NRXN3: variants seen among roughly 807,000 people sequenced by gnomAD.
The protein encoded by NRXN3 is neurexin 3.
NRXN3 carries 32 observed loss-of-function variants against 137.6 expected under a neutral mutation model. The ratio of observed to expected loss-of-function variants is 0.23; its 90% CI spans 0.18 to 0.31. The LOEUF (loss-of-function observed/expected upper bound fraction) is 0.31, where lower values mean the gene tolerates loss of function less well. Ranked by LOEUF, NRXN3 falls within the 10% of genes least tolerant of loss-of-function variation. The pLI is 1.00. For synonymous variants in NRXN3, 798 were observed against 784.5 expected (o/e 1.02, Z -0.29); for missense variants, 1,574 against 2,062.5 (o/e 0.76, Z 4.59).
chr14:79,197,296 AC>A (rs2065263420), intron 15 of NRXN3, among the ~76,000 whole-genome samples: 1 of 152,168 alleles, frequency 6.6e-6, no homozygotes, highest in South Asian at 2.1e-4. Flanking sequence ...CCCTGCTGTA[AC>A]CAGCTGGAAA....
intron 10 of NRXN3, among the ~76,000 whole-genome samples, chr14:78,811,753 G>A (rs1376573679): frequency 2.0e-5 from 3 of 152,080 alleles, no homozygotes; most frequent in Non-Finnish European, 4.4e-5. Context: ...TTTTTGGGGG[G>A]CAAATGTTCC....
chr14:78,942,753 A>T (rs1284240634), intron 10 of NRXN3, among the ~76,000 whole-genome samples: 1 of 152,204 alleles, frequency 6.6e-6, no homozygotes, highest in Non-Finnish European at 1.5e-5. Flanking sequence ...AGCTAGAAGG[A>T]GCATACTACA....
intron 16 of NRXN3, among the ~76,000 whole-genome samples, chr14:79,591,855 C>G (rs1016439998): frequency 2.6e-5 from 4 of 152,162 alleles, no homozygotes; most frequent in Non-Finnish European, 4.4e-5. Context: ...GACCCGATTT[C>G]TTACACTGAA....
At chr14:79,064,198 G>A (rs762505625) in intron 15 of NRXN3, among the ~76,000 whole-genome samples, 21 of 152,160 alleles carry the variant, frequency 1.4e-4, no homozygotes, top group Non-Finnish European at 2.5e-4. Context: ...TGGCACAGCC[G>A]TGAGTAGAGC....
intron 15 of NRXN3, among the ~76,000 whole-genome samples, chr14:79,445,066 C>A (rs543414677): frequency 6.6e-6 from 1 of 152,084 alleles, no homozygotes; most frequent in Non-Finnish European, 1.5e-5. Flanking sequence ...ACTCAGCTGG[C>A]AGTGGTGGCT....
intron 4 of NRXN3, among the ~76,000 whole-genome samples, chr14:78,412,526 T>C (rs1333100143): frequency 1.3e-5 from 2 of 152,184 alleles, no homozygotes. Flanking sequence ...CAGGTGAGTA[T>C]TGGTTCACAT....
intron 4 of NRXN3, among the ~76,000 whole-genome samples, chr14:78,346,470 C>A (rs952941172): frequency 3.3e-5 from 5 of 152,174 alleles, no homozygotes; most frequent in Non-Finnish European, 7.4e-5. Context: ...TCATTGACTC[C>A]TTGAAACAGT....
intron 15 of NRXN3, among the ~76,000 whole-genome samples, chr14:79,349,216 C>T (rs2093065597): frequency 6.6e-6 from 1 of 151,924 alleles, no homozygotes; most frequent in Admixed American, 6.6e-5. Flanking sequence ...TAGAGGTGTC[C>T]ATGTCCAAGT....
chr14:78,249,447 C>T lies in NRXN3; in HGVS notation c.709+5645C>T, dbSNP rs535555491. On this transcript the variant is annotated intron_variant, in intron 2 of 20. Transcript: ENST00000335750. ...GGTTTCCAGTTTCTGGGGCAGCTGTCCTTCAGCTGGGTCCTCTTTCTCCTT... is the reference window on the plus strand; with the variant it reads ...GGTTTCCAGTTTCTGGGGCAGCTGTTCTTCAGCTGGGTCCTCTTTCTCCTT... 6.6e-5 allele frequency among the ~76,000 whole-genome samples: 10 copies of T among 152,318 alleles called. No homozygotes were observed. In the East Asian group the frequency reaches 1.7e-3, roughly 26 times the overall value.
At chr14:78,493,897 T>C (rs2095715813) in intron 4 of NRXN3, among the ~76,000 whole-genome samples, 1 of 152,178 alleles carries the variant, frequency 6.6e-6, no homozygotes, top group African/African-American at 2.4e-5. Context: ...TTAAAAACAG[T>C]GCCAGCATGG....
At chr14:78,533,066 C>A (rs1164039915) in intron 4 of NRXN3, among the ~76,000 whole-genome samples, 1 of 151,018 alleles carries the variant, frequency 6.6e-6, no homozygotes, top group African/African-American at 2.4e-5. Flanking sequence ...ACATCAGTCT[C>A]CCAACTGATA....
At chr14:78,267,680 T>C (rs1247170163) in intron 2 of NRXN3, among the ~76,000 whole-genome samples, 1 of 152,154 alleles carries the variant, frequency 6.6e-6, no homozygotes, top group Non-Finnish European at 1.5e-5. Flanking sequence ...AATAAAAGAT[T>C]TCTCTCCACT....
intron 17 of NRXN3, 142 bp downstream of exon 17, chr14:79,664,091 AG>A (rs1410220285): frequency 1.2e-6 from 1 of 866,270 alleles, no homozygotes; most frequent in African/African-American, 1.7e-5. Context: ...TGAGAAGATA[AG>A]TCATCTCTTT....
chr14:78,986,422 G>T (rs542241606), intron 14 of NRXN3, among the ~76,000 whole-genome samples: 1 of 152,238 alleles, frequency 6.6e-6, no homozygotes, highest in East Asian at 1.9e-4. Flanking sequence ...AAAAGAGAGA[G>T]AATGGTTGAA....
intron 1 of NRXN3, chr14:78,231,605 TCTC>T (rs1157831897): frequency 6.6e-6 from 1 of 152,172 alleles, no homozygotes; most frequent in African/African-American, 2.4e-5. Flanking sequence ...TGTTGTTCCT[TCTC>T]CTCATTGTCA....
chr14:78,298,959 C>A (rs2076619121), intron 4 of NRXN3, among the ~76,000 whole-genome samples: 1 of 152,212 alleles, frequency 6.6e-6, no homozygotes, highest in Non-Finnish European at 1.5e-5. Flanking sequence ...AATCAAGGAA[C>A]TGCCCGAGGC....
chr14:79,012,912 T>G (rs1189250855), intron 15 of NRXN3, among the ~76,000 whole-genome samples: 1 of 152,176 alleles, frequency 6.6e-6, no homozygotes, highest in Non-Finnish European at 1.5e-5. Context: ...ACCATACTCA[T>G]TTAACCCTGC....
chr14:78,706,672 G>A (rs1167617885), intron 6 of NRXN3, among the ~76,000 whole-genome samples: 1 of 152,142 alleles, frequency 6.6e-6, no homozygotes, highest in Non-Finnish European at 1.5e-5. Flanking sequence ...CTAATGGGAT[G>A]GAGAGGTGTT....
intron 4 of NRXN3, among the ~76,000 whole-genome samples, chr14:78,440,725 A>G (rs2094216383): frequency 1.3e-5 from 2 of 151,854 alleles, no homozygotes; most frequent in African/African-American, 4.8e-5. Flanking sequence ...AAGCTGTGCT[A>G]TGGGGGAGGA....
Sources: allele counts gnomAD v4.1 joint callset (sites outside exome capture counted in the v4.1 genomes callset), GRCh38; gene constraint gnomAD v4.1.1; transcripts MANE v1.5; gene names NCBI Gene and HGNC (gene_info 2026-07-23, HGNC 2026-07-21).